The following VAT1L variants were observed in gnomAD, a reference collection of about 807,000 sequenced individuals.
VAT1L encodes the protein vesicle amine transport 1 like, also known as putative NADPH-dependent quinone oxidoreductase VAT1L.
VAT1L carries 34 observed loss-of-function variants against 44.1 expected under a neutral mutation model. The ratio of observed to expected loss-of-function variants is 0.77; its 90% confidence interval spans 0.59 to 1.03. The LOEUF is 1.03. Ranked by LOEUF, VAT1L falls within the 50% of genes least tolerant of loss-of-function variation. VAT1L has a pLI of 0.00. For synonymous variants in VAT1L, 253 were observed against 202.2 expected (o/e 1.25, Z -2.13); for missense variants, 615 against 538.8 (o/e 1.14, Z -1.40).
intron 1 of VAT1L, among the ~76,000 whole-genome samples, chr16:77,807,619 G>A (rs12597201): frequency 0.094 from 14,362 of 152,116 alleles, 895 homozygotes; most frequent in East Asian, 0.23. Context: ...TCTCAGTCTC[G>A]GAGTCTGTTT....
chr16:77,912,793 G>A (rs1031888898), intron 7 of VAT1L, among the ~76,000 whole-genome samples: 3 of 152,112 alleles, frequency 2.0e-5, no homozygotes, highest in Non-Finnish European at 2.9e-5. Context: ...CAGTTCTGGA[G>A]GCTCGCAAGT....
At chr16:77,864,995 A>G (rs1316377689) in intron 4 of VAT1L, among the ~76,000 whole-genome samples, 1 of 113,284 alleles carries the variant, frequency 8.8e-6, no homozygotes, top group East Asian at 2.6e-4. Context: ...TTTTTTTGAG[A>G]CGGAGTCTCG....
At position 77,884,511 on chromosome 16, in the gene VAT1L, G is replaced by A. The variant is rs74891954; in HGVS notation, c.883-97G>A. On this transcript the variant is annotated intron_variant, in intron 6 of 8. Coordinates refer to ENST00000302536, the MANE Select transcript of VAT1L (RefSeq NM_020927.3). This position sits in a 1 kb window ranked among gnomAD's most constrained non-coding sequence, Gnocchi z 4.5. ...GGAATCTGCTGAGCTGCAGCCCCACGTTCCCCCTGTAGTAGCTGATGACAT... is the reference window on the plus strand; with the variant it reads ...GGAATCTGCTGAGCTGCAGCCCCACATTCCCCCTGTAGTAGCTGATGACAT... 36,093 of 1,248,056 alleles carry A rather than the reference G, an allele frequency of 0.029. 905 individuals carry two copies. Among genetic ancestry groups the A allele is most frequent in the East Asian group, 0.12 (4,231 of 35,164 alleles). 77.3% of individuals were successfully genotyped at this position (1,248,056 alleles called of 1,614,324 possible). A position where few individuals can be genotyped will look rare whatever the true frequency, so the allele number is the denominator to read the frequency against.
intron 7 of VAT1L, among the ~76,000 whole-genome samples, chr16:77,944,428 G>A (rs2017933780): frequency 6.6e-6 from 1 of 152,108 alleles, no homozygotes; most frequent in Non-Finnish European, 1.5e-5. Context: ...ATGACCGAAG[G>A]ATAATGGGCA....
chr16:77,949,232 C>T (rs570531664), intron 7 of VAT1L, among the ~76,000 whole-genome samples: 3 of 152,066 alleles, frequency 2.0e-5, no homozygotes, highest in Non-Finnish European at 4.4e-5. Context: ...GATCTCTGAT[C>T]GACTGCCTGC....
rs1041702479 is a variant in VAT1L, at chr16:77,788,792, G to A, written c.110G>A (p.Gly37Glu). 6 of 1,568,688 alleles carry A rather than the reference G, an allele frequency of 3.8e-6. No individual in the cohort carries two copies. The South Asian group carries it at 7.0e-5, about 18-fold the overall frequency. Residue 37 changes from glycine to glutamate, a missense_variant, in exon 1 of 9, where the codon GGG (glycine) becomes GAG (glutamate). By Grantham distance (98) the Gly-to-Glu change is moderately conservative (BLOSUM62 -2). Coordinates refer to ENST00000302536, the MANE Select transcript of VAT1L (RefSeq NM_020927.3). ...GGGGDGSHRL[G>E]DAQEMRAVVL... Reference sequence around the variant, plus strand: ...GGCGGCGACGGCTCGCACCGCCTCGGGGACGCCCAGGAGATGCGCGCGGTG... The same window carrying A: ...GGCGGCGACGGCTCGCACCGCCTCGAGGACGCCCAGGAGATGCGCGCGGTG...
At chr16:77,975,243 TC>T (rs1251910720) in intron 8 of VAT1L, among the ~76,000 whole-genome samples, 1 of 130,224 alleles carries the variant, frequency 7.7e-6, no homozygotes, top group East Asian at 2.5e-4. Context: ...ACAGTCTCAT[TC>T]TGTCACCCAG....
At chr16:77,808,984 T>C (rs2016215893) in intron 1 of VAT1L, among the ~76,000 whole-genome samples, 1 of 152,196 alleles carries the variant, frequency 6.6e-6, no homozygotes, top group African/African-American at 2.4e-5. Context: ...TACGGCATAG[T>C]ATACAGTAGG....
chr16:77,859,366 C>G (rs1296090649), intron 3 of VAT1L, among the ~76,000 whole-genome samples: 2 of 152,062 alleles, frequency 1.3e-5, no homozygotes, highest in African/African-American at 2.4e-5. Context: ...CAATGCCATG[C>G]TCATGGCAAA....
At chr16:77,946,279 CTTTTTTTTT>C (rs66461822) in intron 7 of VAT1L, among the ~76,000 whole-genome samples, 6 of 70,430 alleles carry the variant, frequency 8.5e-5, no homozygotes, top group Non-Finnish European at 1.5e-4. Context: ...GTTACTTGTT[CTTTTTTTTT>C]TTTTTTTTTT....
chr16:77,952,540 A>G (rs1300257409), intron 7 of VAT1L, among the ~76,000 whole-genome samples: 6 of 152,008 alleles, frequency 3.9e-5, no homozygotes, highest in Admixed American at 2.6e-4. Flanking sequence ...AGCTGATCAT[A>G]TGCCAGCACT....
rs1423110901 is a variant in VAT1L, at chr16:77,884,055, T to C, written c.883-553T>C. 6.6e-6 allele frequency among the ~76,000 whole-genome samples: 1 copy of C among 152,190 alleles called. No individual in the cohort carries two copies. Among genetic ancestry groups the C allele is most frequent in the East Asian group, 1.9e-4 (1 of 5,192 alleles). On this transcript the variant is annotated intron_variant, in intron 6 of 8. Transcript: ENST00000302536. The surrounding 1 kb of genome is among the most constrained non-coding windows in gnomAD (Gnocchi z 4.5). ...ATGTACTTAATATTTCAACTACATG[T>C]GGCCATGTAGTTAGTTTTGGGCTCT... is the stretch of plus-strand genomic sequence containing the variant.
At chr16:77,898,738 T>C (rs1189973119) in intron 7 of VAT1L, among the ~76,000 whole-genome samples, 1 of 152,230 alleles carries the variant, frequency 6.6e-6, no homozygotes, top group African/African-American at 2.4e-5. Flanking sequence ...GCTGGTTTCC[T>C]CCCTGATGTG....
chr16:77,812,115 T>G (rs918283439), intron 1 of VAT1L, among the ~76,000 whole-genome samples: 1 of 149,650 alleles, frequency 6.7e-6, no homozygotes, highest in African/African-American at 2.5e-5. Context: ...AGAGTCTCGC[T>G]CTGCCACCCA....
chr16:77,796,906 C>G (rs2015944171), intron 1 of VAT1L, among the ~76,000 whole-genome samples: 1 of 152,104 alleles, frequency 6.6e-6, no homozygotes, highest in African/African-American at 2.4e-5. Flanking sequence ...GACGTTCTCA[C>G]TTAGAAGTGG....
chr16:77,827,220 G>A (rs767339373), intron 3 of VAT1L, among the ~76,000 whole-genome samples: 8 of 152,224 alleles, frequency 5.3e-5, no homozygotes, highest in Non-Finnish European at 1.0e-4. Context: ...AAGCCATTTA[G>A]AATGCTGGCA....
At chr16:77,878,593 A>G (rs1338140631) in intron 5 of VAT1L, among the ~76,000 whole-genome samples, 2 of 151,914 alleles carry the variant, frequency 1.3e-5, no homozygotes, top group Middle Eastern at 3.2e-3. Flanking sequence ...TCAGTTTCTC[A>G]TATGCTTGTC....
chr16:77,974,147 C>T (rs1050491096), intron 8 of VAT1L, among the ~76,000 whole-genome samples: 2 of 152,172 alleles, frequency 1.3e-5, no homozygotes, highest in Non-Finnish European at 2.9e-5. Flanking sequence ...ACTGATACAA[C>T]ATGGATATAA....
chr16:77,894,336 A>G (rs968236099), intron 7 of VAT1L, among the ~76,000 whole-genome samples: 2 of 152,220 alleles, frequency 1.3e-5, no homozygotes, highest in Non-Finnish European at 2.9e-5. Flanking sequence ...GCCCAGGCTC[A>G]TTGTTGACCT....
Sources: gnomAD v4.1 joint callset for allele counts (sites outside exome capture counted in the v4.1 genomes callset) on GRCh38, gnomAD v4.1.1 for gene constraint, Gnocchi (gnomAD v3.1) non-coding constraint, MANE v1.5 for transcripts, NCBI Gene and HGNC (gene_info 2026-07-23, HGNC 2026-07-21) for gene names.